ADGRL2: variants seen among roughly 807,000 people sequenced by gnomAD.
ADGRL2 encodes adhesion G protein-coupled receptor L2, also known as calcium-independent alpha-latrotoxin receptor 2.
A neutral mutation model predicts 157.4 loss-of-function variants in ADGRL2; 44 were observed. The observed-to-expected ratio is 0.28, with a 90% CI of 0.22 to 0.36. The LOEUF is 0.36. ADGRL2 is among the 10% of genes least tolerant of loss of function. The probability of loss-of-function intolerance (pLI) is 1.00; values close to 1 mark genes in which losing one functional copy is unlikely to be tolerated. For synonymous variants in ADGRL2, 585 were observed against 624.7 expected, an observed-to-expected ratio of 0.94 and a Z score of 0.95; for missense variants, 1,510 against 1,768.9, an observed-to-expected ratio of 0.85 and a Z score of 2.63.
intron 3 of ADGRL2, among the ~76,000 whole-genome samples, chr1:81,671,685 G>GT (rs2082879089): frequency 6.6e-6 from 1 of 152,070 alleles, no homozygotes; most frequent in African/African-American, 2.4e-5. Context: ...GCTAATTTTT[G>GT]TATTTTTAGT....
intron 3 of ADGRL2, among the ~76,000 whole-genome samples, chr1:81,650,141 C>T (rs553285423): frequency 4.6e-4 from 69 of 151,644 alleles, no homozygotes; most frequent in African/African-American, 1.4e-3. Context: ...TTGTAATAGA[C>T]GATAGTAAAC....
intron 1 of ADGRL2, among the ~76,000 whole-genome samples, chr1:81,720,103 T>C (rs1159883174): frequency 6.6e-6 from 1 of 152,166 alleles, no homozygotes; most frequent in African/African-American, 2.4e-5. Context: ...ATGGAGATTC[T>C]TCTAGTCGTA....
intron 2 of ADGRL2, among the ~76,000 whole-genome samples, chr1:81,794,704 T>A (rs778551162): frequency 1.6e-4 from 24 of 152,294 alleles, no homozygotes; most frequent in Non-Finnish European, 2.9e-4. Flanking sequence ...GCCTATTACA[T>A]CATTGTTTGG....
At chr1:81,550,342 T>C (rs2148381425) in intron 2 of ADGRL2, among the ~76,000 whole-genome samples, 1 of 152,328 alleles carries the variant, frequency 6.6e-6, no homozygotes, top group African/African-American at 2.4e-5. Context: ...AGAGGTGATG[T>C]GGCTTTCCCA....
chr1:81,969,257 T>A lies in ADGRL2; in HGVS notation c.2603T>A (p.Ile868Asn). 6.2e-7 allele frequency: 1 copy of A among 1,614,096 alleles called. No individual in the cohort carries two copies. The highest frequency in any genetic ancestry group is 1.1e-5 in the South Asian group (1 of 91,084). Residue 868 changes from isoleucine (I) to asparagine (N), a missense_variant, in exon 15 of 24, where the codon ATC (isoleucine) becomes AAC (asparagine). Physicochemically the swap from Ile to Asn is moderately radical, Grantham distance 149 (BLOSUM62 -3). Transcript: ENST00000686636. The part of the protein sequence containing the change: ...GIVISLVCLA[I>N]CIFTFCFFRG... ...GTCATTTCCCTTGTTTGCCTGGCTA[T>A]CTGCATCTTCACCTTCTGCTTTTTC...
intron 4 of ADGRL2, among the ~76,000 whole-genome samples, chr1:81,940,072 T>C (rs913533245): frequency 6.6e-6 from 1 of 151,552 alleles, no homozygotes; most frequent in Non-Finnish European, 1.5e-5. Flanking sequence ...CTAACTACAT[T>C]GTAATTTTAG....
intron 2 of ADGRL2, among the ~76,000 whole-genome samples, chr1:81,865,088 T>C (rs12082230): frequency 0.013 from 2,034 of 152,308 alleles, 50 homozygotes; most frequent in African/African-American, 0.045. Context: ...TCTGCCCTTT[T>C]TCTCTATTTA....
intron 3 of ADGRL2, among the ~76,000 whole-genome samples, chr1:81,602,466 G>A (rs941321068): frequency 6.6e-6 from 1 of 152,090 alleles, no homozygotes; most frequent in African/African-American, 2.4e-5. Context: ...GGTGGTGGGT[G>A]CCTGGAATTC....
rs980468332 is a variant in ADGRL2 at position 81,993,201 on chromosome 1, T to G, written c.*2056T>G. ...ACTGCAACCTCCGCCTCCCAGGTTC[T>G]CAAACAGATTTAACAATCCTCTGAG... On this transcript the variant is annotated 3_prime_UTR_variant, in exon 24 of 24. Coordinates refer to ENST00000686636, the MANE Select transcript of ADGRL2 (RefSeq NM_001366006.2). Among the ~76,000 whole-genome samples, 2 of 143,794 alleles carry G rather than the reference T, an allele frequency of 1.4e-5. No homozygotes were observed. The highest frequency in any genetic ancestry group is 2.6e-5 in the African/African-American group (1 of 38,474). The allele number at this position is 143,794 out of a possible 152,430, so 94.3% of individuals were successfully genotyped here.
intron 3 of ADGRL2, among the ~76,000 whole-genome samples, chr1:81,674,595 G>GA (rs2082946545): frequency 1.3e-5 from 2 of 152,216 alleles, no homozygotes; most frequent in African/African-American, 4.8e-5. Flanking sequence ...AAGTTTGAGA[G>GA]AAAATCAAAG....
intron 3 of ADGRL2, among the ~76,000 whole-genome samples, chr1:81,611,891 A>G (rs74746963): frequency 0.13 from 19,131 of 151,788 alleles, 1,656 homozygotes; most frequent in Non-Finnish European, 0.18. Context: ...CTGGTGAGGG[A>G]GTTCTCACGA....
At chr1:81,903,533 A>G (rs1369428063) in intron 2 of ADGRL2, among the ~76,000 whole-genome samples, 2 of 151,876 alleles carry the variant, frequency 1.3e-5, no homozygotes, top group African/African-American at 2.4e-5. Flanking sequence ...CCTTAGTTTC[A>G]TACTCTGTAA....
intron 2 of ADGRL2, among the ~76,000 whole-genome samples, chr1:81,551,669 G>A (rs76139425): frequency 0.014 from 2,096 of 151,924 alleles, 68 homozygotes; most frequent in African/African-American, 0.048. Flanking sequence ...AAGAATGCTG[G>A]GTCTGAGTTG....
chr1:81,898,260 G>A (rs2094429129), intron 2 of ADGRL2, among the ~76,000 whole-genome samples: 1 of 152,152 alleles, frequency 6.6e-6, no homozygotes, highest in Non-Finnish European at 1.5e-5. Flanking sequence ...ATTTCTGTAA[G>A]CATTTGTTGG....
intron 2 of ADGRL2, among the ~76,000 whole-genome samples, chr1:81,452,667 C>T (rs1236393404): frequency 6.6e-6 from 1 of 152,138 alleles, no homozygotes; most frequent in East Asian, 1.9e-4. Flanking sequence ...ATAGCATTTC[C>T]TGCACCTTAT....
At chr1:81,706,705 A>G (rs1463124818) in intron 1 of ADGRL2, among the ~76,000 whole-genome samples, 2 of 152,198 alleles carry the variant, frequency 1.3e-5, no homozygotes, top group Non-Finnish European at 2.9e-5. Flanking sequence ...TCACACAGTT[A>G]AAAAGAAAAC....
At chr1:81,953,650 T>C (rs1046722894) in intron 10 of ADGRL2, among the ~76,000 whole-genome samples, 2 of 152,154 alleles carry the variant, frequency 1.3e-5, no homozygotes, top group Non-Finnish European at 2.9e-5. Context: ...CCGGGTTTTC[T>C]CCCTGGTATA....
At chr1:81,387,513 T>C (rs762965743) in intron 1 of ADGRL2, among the ~76,000 whole-genome samples, 3 of 152,158 alleles carry the variant, frequency 2.0e-5, no homozygotes, top group Non-Finnish European at 4.4e-5. Context: ...CTTATTTCTT[T>C]CCATAACTGT....
intron 2 of ADGRL2, among the ~76,000 whole-genome samples, chr1:81,879,687 C>G (rs1211873552): frequency 6.6e-6 from 1 of 152,074 alleles, no homozygotes; most frequent in Non-Finnish European, 1.5e-5. Context: ...CTCCTAATTA[C>G]TAGCACTGTG....
Sources: gnomAD v4.1 joint callset for allele counts (sites outside exome capture counted in the v4.1 genomes callset) on GRCh38, gnomAD v4.1.1 for gene constraint, MANE v1.5 for transcripts, NCBI Gene and HGNC (gene_info 2026-07-23, HGNC 2026-07-21) for gene names.